Variants in MAPK10 observed in about 807,000 individuals in gnomAD.
MAPK10 encodes the protein JNK3 alpha protein kinase.
A neutral mutation model predicts 59.3 loss-of-function variants in MAPK10; 25 were observed. That is an observed-to-expected ratio of 0.42 (90% CI 0.31 to 0.59). MAPK10 has a LOEUF of 0.59. Ranked by LOEUF, MAPK10 falls within the 20% of genes least tolerant of loss-of-function variation. The pLI, the probability that MAPK10 is intolerant of heterozygous loss-of-function variation, is 0.15. For missense variants in MAPK10, 351 were observed against 568.9 expected (o/e 0.62, Z 3.90); for synonymous variants, 190 against 200.5 (o/e 0.95, Z 0.44).
At chr4:86,570,812 C>G (rs987749821) in intron 1 of MAPK10, among the ~76,000 whole-genome samples, 1 of 152,022 alleles carries the variant, frequency 6.6e-6, no homozygotes, top group Admixed American at 6.6e-5. Flanking sequence ...TAGGAGTTAA[C>G]GAAACAAGGG....
chr4:86,035,256 A>C (rs1188606485), intron 11 of MAPK10, among the ~76,000 whole-genome samples: 1 of 151,302 alleles, frequency 6.6e-6, no homozygotes, highest in Non-Finnish European at 1.5e-5. Context: ...CTGTAATCCC[A>C]GCTACTCGGG....
chr4:86,147,978 C>T (rs1352820335), intron 4 of MAPK10, among the ~76,000 whole-genome samples: 1 of 152,124 alleles, frequency 6.6e-6, no homozygotes, highest in Non-Finnish European at 1.5e-5. Flanking sequence ...ACATACTATA[C>T]ACACATTCAA....
upstream of MAPK10, among the ~76,000 whole-genome samples, chr4:86,362,750 T>A (rs1737211248): frequency 6.6e-6 from 1 of 152,090 alleles, no homozygotes; most frequent in African/African-American, 2.4e-5. Flanking sequence ...GAGATACCAT[T>A]TCATGCCCAC....
intron 1 of MAPK10, among the ~76,000 whole-genome samples, chr4:86,395,265 A>T (rs759893815): frequency 6.6e-6 from 1 of 152,226 alleles, no homozygotes; most frequent in Non-Finnish European, 1.5e-5. Context: ...TTTAGTGTAT[A>T]TAAAAATTCA....
At chr4:86,508,609 T>A (rs1443497660) in intron 1 of MAPK10, among the ~76,000 whole-genome samples, 2 of 152,210 alleles carry the variant, frequency 1.3e-5, no homozygotes, top group African/African-American at 4.8e-5. Context: ...CTGTGAGCAC[T>A]CTGATTTTGG....
chr4:86,151,132 G>A (rs1441103342), intron 4 of MAPK10, among the ~76,000 whole-genome samples: 2 of 152,156 alleles, frequency 1.3e-5, no homozygotes, highest in Non-Finnish European at 2.9e-5. Flanking sequence ...CAGGTGGGTG[G>A]CCAGCCTGAC....
At chr4:86,244,330 T>G (rs1003031366) in intron 2 of MAPK10, among the ~76,000 whole-genome samples, 1 of 152,216 alleles carries the variant, frequency 6.6e-6, no homozygotes, top group Non-Finnish European at 1.5e-5. Flanking sequence ...TCATTTTTTA[T>G]TAATAACATG....
chr4:86,525,743 C>G (rs1295890649), intron 1 of MAPK10, among the ~76,000 whole-genome samples: 2 of 152,174 alleles, frequency 1.3e-5, no homozygotes, highest in African/African-American at 2.4e-5. Context: ...AGCACCTAAT[C>G]TTCAATGAAT....
chr4:86,507,615 G>GATATATATATATAT (rs767683551), intron 1 of MAPK10, among the ~76,000 whole-genome samples: 6 of 35,650 alleles, frequency 1.7e-4, no homozygotes, highest in African/African-American at 4.3e-4. Flanking sequence ...ATAAACTGGA[G>GATATATATATATAT]ATATATATAT....
intron 1 of MAPK10, among the ~76,000 whole-genome samples, chr4:86,438,627 T>C (rs948888260): frequency 2.7e-5 from 4 of 150,144 alleles, no homozygotes; most frequent in African/African-American, 9.8e-5. Flanking sequence ...GAGGTGGAGG[T>C]TGCAGTGAGC....
At chr4:86,575,927 A>C (rs2149110047) in intron 1 of MAPK10, among the ~76,000 whole-genome samples, 1 of 151,992 alleles carries the variant, frequency 6.6e-6, no homozygotes, top group Middle Eastern at 3.4e-3. Context: ...ATAAAGTATC[A>C]CTGTCACCTT....
At chr4:86,312,332 C>A (rs1188766285) in intron 2 of MAPK10, among the ~76,000 whole-genome samples, 1 of 152,018 alleles carries the variant, frequency 6.6e-6, no homozygotes, top group Admixed American at 6.6e-5. Context: ...CTTTCTTGGA[C>A]TCTATATACC....
chr4:86,107,149 C>G, intron 5 of MAPK10, 74 bp downstream of exon 5: 3 of 1,229,660 alleles, frequency 2.4e-6, no homozygotes, highest in South Asian at 2.8e-5. Flanking sequence ...CTTTCTTACT[C>G]AAGTACAGAC....
At chr4:86,140,910 T>G (rs1446781106) in intron 4 of MAPK10, among the ~76,000 whole-genome samples, 1 of 152,174 alleles carries the variant, frequency 6.6e-6, no homozygotes, top group East Asian at 1.9e-4. Context: ...AAAAGCACTG[T>G]GTTTGTCAAC....
chr4:86,309,240 GGCTGTAAA>G (rs2095625162), intron 2 of MAPK10, among the ~76,000 whole-genome samples: 1 of 152,030 alleles, frequency 6.6e-6, no homozygotes, highest in Non-Finnish European at 1.5e-5. Flanking sequence ...AAGTAATTGA[GGCTGTAAA>G]GCAGTCCCAC....
intron 1 of MAPK10, among the ~76,000 whole-genome samples, chr4:86,373,730 G>GTTTAAT (rs1361349686): frequency 6.6e-6 from 1 of 152,166 alleles, no homozygotes; most frequent in African/African-American, 2.4e-5. Context: ...AGTTAGAATG[G>GTTTAAT]TGATCATGAG....
intron 3 of MAPK10, 109 bp from the exon 4 acceptor site, chr4:86,159,576 C>T (rs1358494055): frequency 3.6e-6 from 3 of 827,586 alleles, no homozygotes; most frequent in Non-Finnish European, 5.5e-6. Flanking sequence ...AGCCATCTAT[C>T]ATCTAGTTCA....
chr4:86,166,411 G>C (rs1004144895), intron 3 of MAPK10, among the ~76,000 whole-genome samples: 1 of 151,836 alleles, frequency 6.6e-6, no homozygotes, highest in Non-Finnish European at 1.5e-5. Flanking sequence ...ATGGTATAAG[G>C]TTATAGAAAA....
chr4:86,549,587 G>A (rs1759595318), intron 1 of MAPK10, among the ~76,000 whole-genome samples: 1 of 152,208 alleles, frequency 6.6e-6, no homozygotes, highest in Non-Finnish European at 1.5e-5. Context: ...GTGACTAAAT[G>A]TGAAGGCTTA....
Sources: allele counts gnomAD v4.1 joint callset (sites outside exome capture counted in the v4.1 genomes callset), GRCh38; gene constraint gnomAD v4.1.1; transcripts MANE v1.5; gene names NCBI Gene and HGNC (gene_info 2026-07-23, HGNC 2026-07-21).